Variants in RMDN2 observed in about 807,000 individuals in gnomAD.
RMDN2 encodes the protein regulator of microtubule dynamics protein 2.
In RMDN2, 61 loss-of-function variants were observed where a neutral mutation model predicts 52.8. That is an observed-to-expected ratio of 1.16 (90% CI 0.94 to 1.43). The LOEUF is 1.43. Ranked by LOEUF, RMDN2 falls within the 40% of genes most tolerant of loss-of-function variation. The pLI is 0.00. For synonymous variants in RMDN2, 180 were observed against 153.1 expected (o/e 1.18, Z -1.30); for missense variants, 592 against 475.3 (o/e 1.25, Z -2.28).
intron 2 of RMDN2, among the ~76,000 whole-genome samples, chr2:37,934,962 A>G (rs893096539): frequency 3.3e-5 from 5 of 152,228 alleles, no homozygotes; most frequent in African/African-American, 7.2e-5. Context: ...AAAGTAACAA[A>G]TTCATTATTC....
chr2:37,923,492 A>C (rs927214550), upstream of RMDN2: 2 of 152,242 alleles, frequency 1.3e-5, no homozygotes, highest in African/African-American at 4.8e-5. Flanking sequence ...TGTTTTAAAT[A>C]CTGAAAAGCT....
intron 2 of RMDN2, among the ~76,000 whole-genome samples, chr2:37,957,642 A>G (rs1239296401): frequency 6.6e-6 from 1 of 152,198 alleles, no homozygotes; most frequent in Non-Finnish European, 1.5e-5. Context: ...GAAGCTCTGT[A>G]GTTTAATTAG....
At position 37,979,159 on chromosome 2, in the gene RMDN2, A is replaced by C. The variant is rs1049892332; in HGVS notation, c.731-2124A>C. Reference sequence around the variant, plus strand: ...GAAATAAAAGTAAAAGAATTCCTTTAATTTATCCATTTAAGAAATATTTAT... The same window carrying C: ...GAAATAAAAGTAAAAGAATTCCTTTCATTTATCCATTTAAGAAATATTTAT... On this transcript the variant is annotated intron_variant, in intron 4 of 10. Transcript: ENST00000354545. 2.8e-4 allele frequency among the ~76,000 whole-genome samples: 42 copies of C among 152,196 alleles called. 1 individual carries two copies. Among genetic ancestry groups the C allele is most frequent in the African/African-American group, 1.0e-3 (42 of 41,440 alleles).
At chr2:37,998,166 C>T (rs996942875) in intron 8 of RMDN2, 2 of 152,128 alleles carry the variant, frequency 1.3e-5, no homozygotes, top group African/African-American at 4.8e-5. Flanking sequence ...TTCTCTGGAA[C>T]CAGTTTCAAA....
At chr2:38,038,249 A>G (rs1197094542) in intron 10 of RMDN2, among the ~76,000 whole-genome samples, 1 of 152,146 alleles carries the variant, frequency 6.6e-6, no homozygotes, top group Non-Finnish European at 1.5e-5. Flanking sequence ...GAGGGAGCGC[A>G]GCGCCCCCCG....
chr2:37,980,100 A>G (rs867498300), intron 4 of RMDN2, among the ~76,000 whole-genome samples: 2 of 152,152 alleles, frequency 1.3e-5, no homozygotes, highest in African/African-American at 4.8e-5. Context: ...ATTTATAAAG[A>G]TTATCTCAAC....
At chr2:38,008,156 A>G (rs147830947) in intron 10 of RMDN2, among the ~76,000 whole-genome samples, 89,618 of 152,014 alleles carry the variant, frequency 0.59, 27,945 homozygotes, top group East Asian at 0.89. Context: ...TAAGTGTGGC[A>G]TGGTGCTAAG....
At chr2:38,026,276 T>C (rs1679776332) in intron 10 of RMDN2, among the ~76,000 whole-genome samples, 2 of 152,138 alleles carry the variant, frequency 1.3e-5, no homozygotes, top group South Asian at 4.1e-4. Flanking sequence ...TATTCTTTTA[T>C]TATCTATAAA....
In RMDN2 at chr2:37,958,718, G is replaced by A. The variant is rs143262666; in HGVS notation, c.453-15322G>A. Among the ~76,000 whole-genome samples the A allele has an allele frequency of 2.8e-3, 417 of 150,814 alleles. 26 individuals carry two copies. Among genetic ancestry groups the A allele is most frequent in the Middle Eastern group, 0.01 (3 of 294 alleles). Reference sequence around the variant, plus strand: ...AGAGGGCATCCTTGTCTTGTGCTGGGTTTCAAAGGGAATGCTTCCAGCTTT... The same window carrying A: ...AGAGGGCATCCTTGTCTTGTGCTGGATTTCAAAGGGAATGCTTCCAGCTTT... On this transcript the variant is annotated intron_variant, in intron 2 of 10. Transcript: ENST00000354545.
At chr2:37,983,925 A>C (rs1673651955) in intron 5 of RMDN2, among the ~76,000 whole-genome samples, 2 of 152,184 alleles carry the variant, frequency 1.3e-5, no homozygotes, top group Non-Finnish European at 2.9e-5. Context: ...AGCCACACAC[A>C]GGCATTTTTG....
At chr2:37,968,270 G>A (rs1295974552) in intron 2 of RMDN2, among the ~76,000 whole-genome samples, 1 of 151,746 alleles carries the variant, frequency 6.6e-6, no homozygotes, top group Admixed American at 6.6e-5. Flanking sequence ...GTGAAACCTG[G>A]TCTCTACTAA....
chr2:37,956,332 G>A (rs1669454938), intron 2 of RMDN2, among the ~76,000 whole-genome samples: 1 of 151,924 alleles, frequency 6.6e-6, no homozygotes, highest in South Asian at 2.1e-4. Flanking sequence ...TCAATTCGCT[G>A]GCATACAATT....
chr2:38,041,277 T>C (rs1486984706), intron 10 of RMDN2, among the ~76,000 whole-genome samples: 2 of 152,210 alleles, frequency 1.3e-5, no homozygotes, highest in African/African-American at 4.8e-5. Flanking sequence ...CTCCTACTAC[T>C]TCTTAGCATG....
chr2:37,981,061 A>C (rs1673247522), intron 4 of RMDN2, among the ~76,000 whole-genome samples: 1 of 152,206 alleles, frequency 6.6e-6, no homozygotes, highest in Admixed American at 6.5e-5. Flanking sequence ...CATACATCAG[A>C]ATCATTGGAG....
chr2:37,921,692 G>A (rs189043445), upstream of RMDN2, among the ~76,000 whole-genome samples: 1 of 152,320 alleles, frequency 6.6e-6, no homozygotes, highest in African/African-American at 2.4e-5. Context: ...CAAAGGCAGG[G>A]TCTGGGGGTC....
At chr2:37,957,958 T>C (rs1669696007) in intron 2 of RMDN2, among the ~76,000 whole-genome samples, 1 of 152,174 alleles carries the variant, frequency 6.6e-6, no homozygotes. Flanking sequence ...TGGTTGTAGA[T>C]GTGTGGTGTT....
chr2:37,990,664 T>G (rs1277348002), intron 6 of RMDN2, among the ~76,000 whole-genome samples: 1 of 151,988 alleles, frequency 6.6e-6, no homozygotes, highest in East Asian at 1.9e-4. Flanking sequence ...AAGTTTGCCA[T>G]GATAGACAAA....
chr2:38,033,308 C>T (rs1346619662), intron 10 of RMDN2: 1 of 152,186 alleles, frequency 6.6e-6, no homozygotes, highest in South Asian at 2.1e-4. Context: ...AAGTAGCTGT[C>T]CTTTCCTTCC....
intron 10 of RMDN2, among the ~76,000 whole-genome samples, chr2:38,008,759 G>A (rs1274662360): frequency 6.6e-6 from 1 of 152,268 alleles, no homozygotes; most frequent in South Asian, 2.1e-4. Flanking sequence ...GATGTTAGCT[G>A]GTTATTTCGC....
Sources: gnomAD v4.1 joint callset for allele counts (sites outside exome capture counted in the v4.1 genomes callset) on GRCh38, gnomAD v4.1.1 for gene constraint, MANE v1.5 for transcripts, NCBI Gene and HGNC (gene_info 2026-07-23, HGNC 2026-07-21) for gene names.